The following CACNA1B variants were observed in gnomAD, a reference collection of about 807,000 sequenced individuals.
CACNA1B encodes voltage-dependent N-type calcium channel subunit alpha-1B.
A neutral mutation model predicts 247.2 loss-of-function variants in CACNA1B; 70 were observed. The observed-to-expected ratio is 0.28, with a 90% confidence interval of 0.23 to 0.35. CACNA1B has a LOEUF of 0.35. Ranked by LOEUF, CACNA1B falls within the 10% of genes least tolerant of loss-of-function variation. The probability of loss-of-function intolerance (pLI) is 1.00; values close to 1 mark genes in which losing one functional copy is unlikely to be tolerated. For missense variants in CACNA1B, 2,367 were observed against 3,197.4 expected, an observed-to-expected ratio of 0.74 and a Z score of 6.26; for synonymous variants, 1,231 against 1,294.4, an observed-to-expected ratio of 0.95 and a Z score of 1.05.
rs756404836 is a variant in CACNA1B, at chr9:138,049,303, C to T, written c.3698C>T (p.Ala1233Val). ...DFIVVSGALV[A>V]FAFSGSKGKD... is the part of the protein sequence containing the mutation. ...ATTGTGGTCAGTGGCGCCCTGGTGG[C>T]GTTTGCTTTCTCGTAAGTAACGTTC... Residue 1233 changes from alanine (A) to valine (V), a missense_variant, in exon 24 of 47, where the codon GCG becomes GTG. By Grantham distance (64) the Ala-to-Val change is moderately conservative. This residue lies in a region of CACNA1B where 436 missense variants were observed against 679.5 expected (regional missense o/e 0.64). Transcript: ENST00000371372. The T allele has an allele frequency of 1.9e-6, 3 of 1,606,348 alleles. No individual in the cohort carries two copies. Among genetic ancestry groups the T allele is most frequent in the South Asian group, 1.1e-5 (1 of 90,928 alleles).
chr9:138,063,986 A>T (rs1959826523), intron 31 of CACNA1B, among the ~76,000 whole-genome samples: 2 of 152,190 alleles, frequency 1.3e-5, no homozygotes, highest in Admixed American at 1.3e-4. Context: ...GGGTTCGGCC[A>T]GTTAGTTAGG....
At chr9:138,042,126 T>G (rs1959131373) in intron 20 of CACNA1B, among the ~76,000 whole-genome samples, 1 of 152,216 alleles carries the variant, frequency 6.6e-6, no homozygotes, top group Non-Finnish European at 1.5e-5. Flanking sequence ...CATATTTTAC[T>G]TAGTCAGTTT....
Position 137,914,098 on chromosome 9 carries a change from G to A in CACNA1B, c.623-556G>A, listed in dbSNP as rs897485002. Among the ~76,000 whole-genome samples the A allele has an allele frequency of 2.0e-5, 3 of 152,102 alleles. No homozygotes were observed. The highest frequency in any genetic ancestry group is 6.6e-5 in the Admixed American group (1 of 15,266). The stretch of plus-strand genomic sequence containing the variant: ...TTCTCCCAAGGAGTTGGGTCTGTTA[G>A]GAATACCTGTACTTCTCCCCCAGGA... On this transcript the variant is annotated intron_variant, in intron 4 of 46. Coordinates refer to ENST00000371372, the MANE Select transcript of CACNA1B (RefSeq NM_000718.4). This position sits in a 1 kb window ranked among gnomAD's most constrained non-coding sequence, Gnocchi z 4.3.
chr9:137,926,370 C>A (rs188644536), intron 6 of CACNA1B, among the ~76,000 whole-genome samples: 1 of 152,292 alleles, frequency 6.6e-6, no homozygotes, highest in Non-Finnish European at 1.5e-5. Context: ...GCCCAGCCAC[C>A]TCCTTCCTTC....
At chr9:137,893,523 C>G (rs541045687) in intron 3 of CACNA1B, among the ~76,000 whole-genome samples, 2 of 151,510 alleles carry the variant, frequency 1.3e-5, no homozygotes, top group Non-Finnish European at 2.9e-5. Flanking sequence ...AGGTGGCACG[C>G]GCCTGTAATC....
At position 137,952,603 on chromosome 9, in the gene CACNA1B, G is replaced by A. The variant is rs910036137; in HGVS notation, c.1070+226G>A. Among the ~76,000 whole-genome samples the A allele has an allele frequency of 1.3e-5, 2 of 152,062 alleles. No individual in the cohort carries two copies. Among genetic ancestry groups the A allele is most frequent in the Non-Finnish European group, 2.9e-5 (2 of 68,026 alleles). On this transcript the variant is annotated intron_variant, in intron 7 of 46. Coordinates refer to ENST00000371372, the MANE Select transcript of CACNA1B (RefSeq NM_000718.4). This position sits in a 1 kb window ranked among gnomAD's most constrained non-coding sequence, Gnocchi z 4.8. ...TCCCTGTCATACCCCTGGCCTTTCC[G>A]TGGTCTCTGCCATGGGAGAGTAGCT...
intron 6 of CACNA1B, among the ~76,000 whole-genome samples, chr9:137,934,874 G>A (rs575201547): frequency 2.6e-5 from 4 of 152,154 alleles, no homozygotes; most frequent in Non-Finnish European, 5.9e-5. Context: ...CTACCAAAAT[G>A]AGAAGGAACC....
chr9:138,046,887 C>T lies in CACNA1B; in HGVS notation c.3414-17C>T, dbSNP rs201907205. 10 of 1,611,036 alleles carry T rather than the reference C, an allele frequency of 6.2e-6. No homozygotes were observed. The highest frequency in any genetic ancestry group is 1.7e-5 in the Admixed American group (1 of 59,944). On this transcript the variant is annotated splice_polypyrimidine_tract_variant and intron_variant, in intron 21 of 46. Coordinates refer to ENST00000371372, the MANE Select transcript of CACNA1B (RefSeq NM_000718.4). Reference sequence around the variant, plus strand: ...CCGGCTGGGGGGCCTTGTGGTGATCCGTGCCTTCCCTCACAGGCTCCGCCG... The same window carrying T: ...CCGGCTGGGGGGCCTTGTGGTGATCTGTGCCTTCCCTCACAGGCTCCGCCG...
chr9:138,075,514 A>T (rs1960284793), intron 34 of CACNA1B, among the ~76,000 whole-genome samples: 1 of 152,244 alleles, frequency 6.6e-6, no homozygotes, highest in Non-Finnish European at 1.5e-5. Flanking sequence ...CCCACTTGAA[A>T]ACACTTCCTG....
intron 10 of CACNA1B, among the ~76,000 whole-genome samples, chr9:137,967,716 T>C (rs7860115): frequency 0.31 from 46,811 of 152,080 alleles, 10,411 homozygotes; most frequent in African/African-American, 0.63. Flanking sequence ...CATTTCCTGT[T>C]GCACATGAGG....
At chr9:138,030,909 A>T (rs539616779) in intron 20 of CACNA1B, among the ~76,000 whole-genome samples, 2 of 152,122 alleles carry the variant, frequency 1.3e-5, no homozygotes, top group East Asian at 3.9e-4. Context: ...CTCATTTCTT[A>T]TATTGGTAAT....
intron 37 of CACNA1B, chr9:138,101,261 A>C: frequency 2.1e-6 from 1 of 486,946 alleles, no homozygotes; most frequent in East Asian, 6.2e-5. Flanking sequence ...CACAGCACAC[A>C]CTCCCTGCCT....
chr9:138,010,074 C>G lies in CACNA1B; in HGVS notation c.2157C>G (p.Thr719=). Residue 719 remains threonine (T), a synonymous_variant, in exon 17 of 47, where the codon ACC becomes ACG. Transcript: ENST00000371372. The surrounding 1 kb of genome is among the most constrained non-coding windows in gnomAD (Gnocchi z 5.3). The part of the protein sequence containing the change: ...VDNLANAQEL[T]KDEEEMEEAA... Reference sequence around the variant, plus strand: ...ACCTGGCCAACGCCCAAGAGCTGACCAAGGTAGGTGGCGACAGGGAGGGAC... The same window carrying G: ...ACCTGGCCAACGCCCAAGAGCTGACGAAGGTAGGTGGCGACAGGGAGGGAC... The G allele has an allele frequency of 6.2e-7, 1 of 1,612,974 alleles. No individual in the cohort carries two copies. The highest frequency in any genetic ancestry group is 8.5e-7 in the Non-Finnish European group (1 of 1,179,032).
chr9:137,910,793 G>A (rs1280347810), intron 3 of CACNA1B, among the ~76,000 whole-genome samples: 1 of 152,200 alleles, frequency 6.6e-6, no homozygotes, highest in South Asian at 2.1e-4. Flanking sequence ...CTCCTGCAGA[G>A]TGGCCTGATT....
chr9:138,029,897 G>A (rs1254869039), intron 20 of CACNA1B, among the ~76,000 whole-genome samples: 2 of 152,116 alleles, frequency 1.3e-5, no homozygotes, highest in African/African-American at 4.8e-5. Context: ...TTGCAGGTGT[G>A]AGCCACTGTG....
intron 3 of CACNA1B, among the ~76,000 whole-genome samples, chr9:137,901,326 T>G (rs1957237090): frequency 6.6e-6 from 1 of 151,522 alleles, no homozygotes; most frequent in Non-Finnish European, 1.5e-5. Context: ...GTCTGTGCCG[T>G]GTGTCTCTGT....
rs1957888588 is a variant in CACNA1B at position 137,952,442 on chromosome 9, G to T, written c.1070+65G>T. The T allele has an allele frequency of 5.2e-6, 7 of 1,357,712 alleles. No homozygotes were observed. In the Admixed American group the frequency reaches 1.2e-4, roughly 23 times the overall value. The allele number at this position is 1,357,712 out of a possible 1,614,324, so 84.1% of individuals were successfully genotyped here. A position where few individuals can be genotyped will look rare whatever the true frequency, so the allele number is the denominator to read the frequency against. ...GTTCTCAGCTGAGGGGTCAACAGGG[G>T]CACGTGTGACACTTGGGGTGGGGGC... On this transcript the variant is annotated intron_variant, in intron 7 of 46. Coordinates refer to ENST00000371372, the MANE Select transcript of CACNA1B (RefSeq NM_000718.4). This position sits in a 1 kb window ranked among gnomAD's most constrained non-coding sequence, Gnocchi z 4.8.
intron 6 of CACNA1B, among the ~76,000 whole-genome samples, chr9:137,934,506 G>GA (rs2133309141): frequency 6.6e-6 from 1 of 152,328 alleles, no homozygotes; most frequent in South Asian, 2.1e-4. Flanking sequence ...GCTCCAGAAT[G>GA]ACTGCAGAAA....
intron 6 of CACNA1B, among the ~76,000 whole-genome samples, chr9:137,921,924 A>C (rs1231769878): frequency 6.8e-6 from 1 of 146,084 alleles, no homozygotes; most frequent in Non-Finnish European, 1.5e-5. Flanking sequence ...TTCGGAGAAC[A>C]TGGTCAGCAC....
Sources: allele counts gnomAD v4.1 joint callset (sites outside exome capture counted in the v4.1 genomes callset), GRCh38; gene constraint gnomAD v4.1.1; regional missense constraint gnomAD v4.1.1; non-coding constraint Gnocchi (gnomAD v3.1); transcripts MANE v1.5; gene names NCBI Gene and HGNC (gene_info 2026-07-23, HGNC 2026-07-21).